The following CDH13 variants were observed in gnomAD, a reference collection of about 807,000 sequenced individuals.
The protein encoded by CDH13 is cadherin-13.
In CDH13, 24 loss-of-function variants were observed where a neutral mutation model predicts 63.8. The ratio of observed to expected loss-of-function variants is 0.38; its 90% CI spans 0.27 to 0.53. CDH13 has a LOEUF of 0.53. CDH13 is among the 20% of genes least tolerant of loss of function. The pLI, the probability that CDH13 is intolerant of heterozygous loss-of-function variation, is 0.85. For synonymous variants in CDH13, 503 were observed against 355.3 expected (o/e 1.42, Z -4.67); for missense variants, 1,049 against 903.1 (o/e 1.16, Z -2.07).
chr16:83,627,248 C>A (rs145273921), intron 8 of CDH13, among the ~76,000 whole-genome samples: 1 of 152,064 alleles, frequency 6.6e-6, no homozygotes, highest in Non-Finnish European at 1.5e-5. Context: ...CGAGATTGTG[C>A]GCCTGCACTC....
At chr16:83,228,091 G>A (rs2039895894) in intron 5 of CDH13, among the ~76,000 whole-genome samples, 1 of 152,196 alleles carries the variant, frequency 6.6e-6, no homozygotes, top group African/African-American at 2.4e-5. Flanking sequence ...AGGCCAGATG[G>A]AAAGTCTCCT....
chr16:83,145,558 T>C (rs2036712468), intron 4 of CDH13, among the ~76,000 whole-genome samples: 1 of 152,352 alleles, frequency 6.6e-6, no homozygotes, highest in South Asian at 2.1e-4. Flanking sequence ...GTTCTGCAAA[T>C]GGAAACAAAC....
intron 6 of CDH13, among the ~76,000 whole-genome samples, chr16:83,484,815 C>T (rs923517329): frequency 6.6e-6 from 1 of 152,148 alleles, no homozygotes; most frequent in Non-Finnish European, 1.5e-5. Context: ...GTATCACTAT[C>T]CCCCTGTGGG....
chr16:83,086,048 G>A (rs960792606), intron 3 of CDH13, among the ~76,000 whole-genome samples: 3 of 152,114 alleles, frequency 2.0e-5, no homozygotes, highest in Admixed American at 6.5e-5. Flanking sequence ...TGCTCCAATT[G>A]AGAACAAACA....
intron 1 of CDH13, among the ~76,000 whole-genome samples, chr16:82,753,191 C>A (rs2034486920): frequency 2.0e-5 from 3 of 152,194 alleles, no homozygotes; most frequent in Non-Finnish European, 4.4e-5. Flanking sequence ...AGGCAGAGAG[C>A]AGGAGACAGG....
At chr16:82,722,748 G>C (rs957539123) in intron 1 of CDH13, among the ~76,000 whole-genome samples, 1 of 152,110 alleles carries the variant, frequency 6.6e-6, no homozygotes, top group African/African-American at 2.4e-5. Flanking sequence ...GGAAGTTCAG[G>C]AGTGAATAAT....
In CDH13 at chr16:82,947,834, G is replaced by T. The variant is rs547400710; in HGVS notation, c.158-84176G>T. Among the ~76,000 whole-genome samples, 18 of 152,242 alleles carry T rather than the reference G, an allele frequency of 1.2e-4. No individual in the cohort carries two copies. The East Asian group carries it at 3.5e-3, about 30-fold the overall frequency. ...ATTTTATGATAAACTGCTGAAAGTA[G>T]TATTTAAAATGGAAACCCTGACAAG... On this transcript the variant is annotated intron_variant, in intron 2 of 13. Transcript: ENST00000567109.
Position 83,108,551 on chromosome 16 carries a change from A to C in CDH13, c.367-16834A>C, listed in dbSNP as rs570263626. The stretch of plus-strand genomic sequence containing the variant: ...GCTCCTCCCCACTGCAAAGGGCACA[A>C]ACTTCCTTAGGCTCCACCCCATCCT... On this transcript the variant is annotated intron_variant, in intron 3 of 13. Coordinates refer to ENST00000567109, the MANE Select transcript of CDH13 (RefSeq NM_001257.5). Among the ~76,000 whole-genome samples the C allele has an allele frequency of 5.9e-5, 9 of 152,276 alleles. No homozygotes were observed. The East Asian group carries it at 1.2e-3, about 20-fold the overall frequency.
intron 1 of CDH13, among the ~76,000 whole-genome samples, chr16:82,851,079 A>G (rs1235641844): frequency 6.6e-5 from 10 of 152,110 alleles, no homozygotes. Context: ...CAGTTTGAGG[A>G]GAATATGTTG....
chr16:82,895,388 C>A (rs1259074351), intron 2 of CDH13, among the ~76,000 whole-genome samples: 1 of 152,198 alleles, frequency 6.6e-6, no homozygotes, highest in African/African-American at 2.4e-5. Flanking sequence ...ATCCCCTCAT[C>A]ATCTGGTCCT....
At chr16:82,708,234 G>A (rs1169503232) in intron 1 of CDH13, among the ~76,000 whole-genome samples, 2 of 152,196 alleles carry the variant, frequency 1.3e-5, no homozygotes, top group African/African-American at 4.8e-5. Context: ...TGTGAGTGAC[G>A]CTGCGAAATC....
chr16:83,630,670 G>T (rs1910697530), intron 8 of CDH13, among the ~76,000 whole-genome samples: 1 of 152,162 alleles, frequency 6.6e-6, no homozygotes, highest in African/African-American at 2.4e-5. Context: ...GTGAGCAGAG[G>T]GATGACTTTG....
intron 10 of CDH13, among the ~76,000 whole-genome samples, chr16:83,720,267 C>T (rs1305224004): frequency 2.6e-5 from 4 of 152,090 alleles, no homozygotes; most frequent in Admixed American, 1.3e-4. Flanking sequence ...CACACCACTC[C>T]CACATCTGCA....
chr16:83,191,203 C>T (rs1219008610), intron 4 of CDH13, among the ~76,000 whole-genome samples: 2 of 142,264 alleles, frequency 1.4e-5, no homozygotes, highest in Non-Finnish European at 3.0e-5. Context: ...TGGGAAGGGT[C>T]ATACGAGATA....
At chr16:83,564,263 A>G (rs950326070) in intron 7 of CDH13, among the ~76,000 whole-genome samples, 2 of 152,178 alleles carry the variant, frequency 1.3e-5, no homozygotes, top group Non-Finnish European at 1.5e-5. Context: ...CTAGCAAGAA[A>G]AAATGGCAGG....
chr16:82,711,871 C>A (rs960377943), intron 1 of CDH13, among the ~76,000 whole-genome samples: 7 of 152,172 alleles, frequency 4.6e-5, no homozygotes, highest in African/African-American at 1.7e-4. Flanking sequence ...GAGTTAGGTG[C>A]TCATATTAGT....
intron 1 of CDH13, among the ~76,000 whole-genome samples, chr16:82,752,340 CTT>C (rs2034451155): frequency 6.6e-6 from 1 of 152,152 alleles, no homozygotes; most frequent in African/African-American, 2.4e-5. Flanking sequence ...AGAAAGGAAT[CTT>C]TCCCTGGTTC....
rs558109199 is a variant in CDH13 at position 83,648,198 on chromosome 16, G to A, written c.1102-22592G>A. On this transcript the variant is annotated intron_variant, in intron 8 of 13. Coordinates refer to ENST00000567109, the MANE Select transcript of CDH13 (RefSeq NM_001257.5). ...TAAAACACGGATGTTTCATCATCCA[G>A]GCGTGTAAATTACACATGTCTGGCC... Among the ~76,000 whole-genome samples, 120 of 152,172 alleles carry A rather than the reference G, an allele frequency of 7.9e-4. 1 individual carries two copies. The highest frequency in any genetic ancestry group is 2.7e-3 in the African/African-American group (114 of 41,534).
intron 5 of CDH13, among the ~76,000 whole-genome samples, chr16:83,225,082 G>A (rs1030199452): frequency 6.6e-6 from 1 of 152,152 alleles, no homozygotes; most frequent in African/African-American, 2.4e-5. Context: ...GCTTTCCCAG[G>A]CCTGCTGGAT....
Sources: gnomAD v4.1 joint callset for allele counts (sites outside exome capture counted in the v4.1 genomes callset) on GRCh38, gnomAD v4.1.1 for gene constraint, MANE v1.5 for transcripts, NCBI Gene and HGNC (gene_info 2026-07-23, HGNC 2026-07-21) for gene names.